PPIL6: variants seen among roughly 807,000 people sequenced by gnomAD.
The protein encoded by PPIL6 is peptidylprolyl isomerase like 6.
Under a neutral mutation model 36.8 loss-of-function variants are expected in PPIL6, and 39 were observed. The ratio of observed to expected loss-of-function variants is 1.06; its 90% CI spans 0.82 to 1.38. The LOEUF is 1.38. Among genes scored for constraint, PPIL6 ranks in the 40% most tolerant of loss-of-function variants. The pLI is 0.00. For missense variants in PPIL6, 368 were observed against 379.1 expected, an observed-to-expected ratio of 0.97 and a Z score of 0.24; for synonymous variants, 123 against 134.1, an observed-to-expected ratio of 0.92 and a Z score of 0.57.
chr6:109,423,219 T>A (rs1464374175), intron 5 of PPIL6, among the ~76,000 whole-genome samples: 3 of 151,866 alleles, frequency 2.0e-5, no homozygotes, highest in African/African-American at 7.3e-5. Flanking sequence ...ATAGAAAAAA[T>A]TAGCTGGGCA....
At chr6:109,395,917 G>C (rs1772286372) in intron 7 of PPIL6, among the ~76,000 whole-genome samples, 1 of 146,716 alleles carries the variant, frequency 6.8e-6, no homozygotes, top group South Asian at 2.1e-4. Context: ...CTCACTGCAA[G>C]CTCCGCCTCC....
intron 6 of PPIL6, among the ~76,000 whole-genome samples, chr6:109,417,777 T>G (rs1329408447): frequency 6.6e-6 from 1 of 152,196 alleles, no homozygotes; most frequent in Non-Finnish European, 1.5e-5. Flanking sequence ...ATATTAATAC[T>G]TCTGCAGGGA....
intron 1 of PPIL6, 145 bp downstream of exon 1, chr6:109,440,311 C>T: frequency 3.7e-6 from 4 of 1,076,532 alleles, no homozygotes; most frequent in African/African-American, 3.2e-5. Flanking sequence ...AGACGGAGCC[C>T]GCCCGGCCAG....
At chr6:109,425,526 A>G (rs1773767425) in intron 5 of PPIL6, among the ~76,000 whole-genome samples, 3 of 152,176 alleles carry the variant, frequency 2.0e-5, no homozygotes, top group African/African-American at 7.2e-5. Flanking sequence ...AGGCGTGCGG[A>G]TCACCTGAGG....
chr6:109,394,416 A>G (rs1461231136), intron 7 of PPIL6, among the ~76,000 whole-genome samples: 1 of 150,400 alleles, frequency 6.6e-6, no homozygotes, highest in Non-Finnish European at 1.5e-5. Context: ...ACATCTCTGT[A>G]GACAATTGCT....
intron 6 of PPIL6, among the ~76,000 whole-genome samples, chr6:109,415,679 T>C (rs889089807): frequency 2.6e-5 from 4 of 152,196 alleles, no homozygotes; most frequent in African/African-American, 4.8e-5. Context: ...ATAACGACAA[T>C]AGCATCTTGA....
intron 3 of PPIL6, among the ~76,000 whole-genome samples, chr6:109,427,799 T>C (rs1407494121): frequency 6.6e-6 from 1 of 152,126 alleles, no homozygotes; most frequent in East Asian, 1.9e-4. Context: ...CAACTAGGTG[T>C]GGAAATAGCC....
chr6:109,440,182 T>G (rs1251316755), intron 1 of PPIL6: 5 of 536,446 alleles, frequency 9.3e-6, no homozygotes, highest in Admixed American at 9.2e-5. Flanking sequence ...GGGGATTACC[T>G]TATCTCCCAG....
At position 109,419,158 on chromosome 6, in the gene PPIL6, T is replaced by A. The variant is rs775401625; in HGVS notation, c.688+29A>T. The stretch of plus-strand genomic sequence containing the variant: ...GTTAAGTTTGAATAATCAACTAATA[T>A]ATAACTAACAAAATGTAAAGATACA... On this transcript the variant is annotated intron_variant, in intron 6 of 7. Transcript: ENST00000521072. The A allele has an allele frequency of 5.2e-6, 7 of 1,355,570 alleles. No homozygotes were observed. The South Asian group carries it at 8.3e-5, about 16-fold the overall frequency. 84.0% of individuals were successfully genotyped at this position (1,355,570 alleles called of 1,614,324 possible). A position where few individuals can be genotyped will look rare whatever the true frequency, so the allele number is the denominator to read the frequency against.
intron 6 of PPIL6, among the ~76,000 whole-genome samples, chr6:109,403,479 A>G (rs1772648865): frequency 6.6e-6 from 1 of 152,192 alleles, no homozygotes; most frequent in African/African-American, 2.4e-5. Flanking sequence ...AAGCCCCCAT[A>G]GAGGAATTTC....
At chr6:109,432,408 G>C (rs1436165323) in intron 2 of PPIL6, among the ~76,000 whole-genome samples, 1 of 152,124 alleles carries the variant, frequency 6.6e-6, no homozygotes, top group African/African-American at 2.4e-5. Flanking sequence ...CGGTGGGCTT[G>C]AGGGACTTCC....
intron 5 of PPIL6, among the ~76,000 whole-genome samples, chr6:109,420,162 G>A (rs1773466432): frequency 6.6e-6 from 1 of 151,676 alleles, no homozygotes; most frequent in South Asian, 2.1e-4. Flanking sequence ...GGTGAAACCT[G>A]TCTCCACCAA....
At chr6:109,410,146 G>A (rs1034369890) in intron 6 of PPIL6, among the ~76,000 whole-genome samples, 3 of 152,268 alleles carry the variant, frequency 2.0e-5, no homozygotes, top group East Asian at 3.9e-4. Context: ...ATCTTCACCC[G>A]TGTCCCATGT....
chr6:109,411,356 T>C (rs963383052), intron 6 of PPIL6, among the ~76,000 whole-genome samples: 23 of 152,208 alleles, frequency 1.5e-4, no homozygotes, highest in Non-Finnish European at 2.2e-4. Context: ...CAAGAGTCCT[T>C]AGGCTCTTTG....
At chr6:109,427,234 C>G (rs1013247406) in intron 3 of PPIL6, 78 bp from the exon 4 acceptor site, 1 of 880,490 alleles carries the variant, frequency 1.1e-6, no homozygotes, top group South Asian at 1.6e-5. Flanking sequence ...AAAAATACAG[C>G]AGATACAATA....
chr6:109,414,659 AT>A (rs1773167768), intron 6 of PPIL6, among the ~76,000 whole-genome samples: 1 of 150,296 alleles, frequency 6.7e-6, no homozygotes, highest in Admixed American at 6.6e-5. Flanking sequence ...TAATTTTTGT[AT>A]TTTTTGTAGA....
At chr6:109,426,200 C>A (rs1183631916) in intron 5 of PPIL6, among the ~76,000 whole-genome samples, 1 of 152,150 alleles carries the variant, frequency 6.6e-6, no homozygotes, top group Non-Finnish European at 1.5e-5. Flanking sequence ...ATGGTAAAAA[C>A]TAATTTAAAC....
At chr6:109,411,368 C>T (rs1773005781) in intron 6 of PPIL6, among the ~76,000 whole-genome samples, 1 of 152,174 alleles carries the variant, frequency 6.6e-6, no homozygotes, top group African/African-American at 2.4e-5. Flanking sequence ...GGCTCTTTGG[C>T]AAATGCAGTT....
Position 109,390,688 on chromosome 6 carries a change from T to C in PPIL6, c.*2138A>G, listed in dbSNP as rs1772066295. 1 of 152,070 alleles carries C rather than the reference T, an allele frequency of 6.6e-6. No homozygotes were observed. 9.4% of individuals were successfully genotyped at this position (152,070 alleles called of 1,614,324 possible). A position where few individuals can be genotyped will look rare whatever the true frequency, so the allele number is the denominator to read the frequency against. On this transcript the variant is annotated 3_prime_UTR_variant, in exon 8 of 8. Coordinates refer to ENST00000521072, the MANE Select transcript of PPIL6 (RefSeq NM_173672.5). ...GAAAGGTTCTATATTTTCTCTATAG[T>C]GTTGGTTACATGAATATACTCATGA...
Sources: allele counts gnomAD v4.1 joint callset (sites outside exome capture counted in the v4.1 genomes callset), GRCh38; gene constraint gnomAD v4.1.1; transcripts MANE v1.5; gene names NCBI Gene and HGNC (gene_info 2026-07-23, HGNC 2026-07-21).